Variants in MAP3K2 observed in about 807,000 individuals in gnomAD.
MAP3K2 encodes MAP/ERK kinase kinase 2.
Under a neutral mutation model 80.3 loss-of-function variants are expected in MAP3K2, and 24 were observed. The observed-to-expected ratio is 0.30, with a 90% confidence interval of 0.22 to 0.42. MAP3K2 has a LOEUF of 0.42. Among genes scored for constraint, MAP3K2 ranks in the 10% least tolerant of loss-of-function variants. The pLI is 1.00. For synonymous variants in MAP3K2, 244 were observed against 253.7 expected (o/e 0.96, Z 0.36); for missense variants, 608 against 750.1 (o/e 0.81, Z 2.21).
rs1422571288 is a variant in MAP3K2 at position 127,303,455 on chromosome 2, G to A, written c.*4124C>T. ...GAGAGATGCTATGTGACCTGGTTGG[G>A]GAGGGGATCCCTCTAGTTTGGAGAT... On this transcript the variant is annotated 3_prime_UTR_variant, in exon 17 of 17. Coordinates refer to ENST00000682094, the MANE Select transcript of MAP3K2 (RefSeq NM_001371910.2). The A allele has an allele frequency of 6.6e-6, 1 of 152,066 alleles. No individual in the cohort carries two copies. The highest frequency in any genetic ancestry group is 1.5e-5 in the Non-Finnish European group (1 of 67,984). The allele number at this position is 152,066 out of a possible 1,614,324, so 9.4% of individuals were successfully genotyped here.
chr2:127,307,566 A>G lies in MAP3K2; in HGVS notation c.*13T>C. The G allele has an allele frequency of 2.0e-6, 3 of 1,538,066 alleles. No homozygotes were observed. The highest frequency in any genetic ancestry group is 2.6e-6 in the Non-Finnish European group (3 of 1,133,884). ...TGGGAGCTAGGTAGAGGCACAGGAG[A>G]GGTTACTGGCTGCTAGTGATAATGC... On this transcript the variant is annotated 3_prime_UTR_variant, in exon 17 of 17. Coordinates refer to ENST00000682094, the MANE Select transcript of MAP3K2 (RefSeq NM_001371910.2). The surrounding 1 kb of genome is among the most constrained non-coding windows in gnomAD (Gnocchi z 5.4).
At chr2:127,327,318 T>C (rs1686163554) in intron 7 of MAP3K2, among the ~76,000 whole-genome samples, 1 of 152,190 alleles carries the variant, frequency 6.6e-6, no homozygotes, top group South Asian at 2.1e-4. Context: ...ATTGTGAGTA[T>C]ATGCAAGCAT....
chr2:127,376,426 G>A lies in MAP3K2; in HGVS notation c.-66+11026C>T, dbSNP rs540493314. ...AATGCCGGCAGCGCAGGCTTGTCAG[G>A]GCCGCAGCTGCTGACTCTTTACAGC... On this transcript the variant is annotated intron_variant, in intron 1 of 16. Transcript: ENST00000682094. 1.7e-4 allele frequency among the ~76,000 whole-genome samples: 26 copies of A among 152,268 alleles called. 1 individual carries two copies. Among genetic ancestry groups the A allele is most frequent in the African/African-American group, 6.0e-4 (25 of 41,556 alleles).
upstream of MAP3K2, chr2:127,388,278 A>G (rs780536729): frequency 1.7e-4 from 171 of 985,374 alleles, 1 homozygote; most frequent in Middle Eastern, 6.8e-3. Flanking sequence ...GGTAGTGGCC[A>G]GATCCCAGAC....
chr2:127,337,685 G>C, intron 4 of MAP3K2, 53 bp downstream of exon 4: 4 of 1,038,756 alleles, frequency 3.9e-6, no homozygotes, highest in Non-Finnish European at 5.7e-6. Flanking sequence ...AGCTTAATTA[G>C]AATACACATT....
chr2:127,373,815 C>A (rs2090574), intron 1 of MAP3K2, among the ~76,000 whole-genome samples: 53,354 of 151,998 alleles, frequency 0.35, 10,130 homozygotes, highest in East Asian at 0.62. Context: ...ACAATGCAAT[C>A]AGTTGCTAGG....
At chr2:127,352,761 C>A (rs1686715832) in intron 1 of MAP3K2, among the ~76,000 whole-genome samples, 1 of 151,932 alleles carries the variant, frequency 6.6e-6, no homozygotes, top group African/African-American at 2.4e-5. Flanking sequence ...CGAAGCTGGA[C>A]TGTACTGCTG....
intron 15 of MAP3K2, among the ~76,000 whole-genome samples, chr2:127,312,600 TCAG>T (rs1685826815): frequency 6.6e-6 from 1 of 151,960 alleles, no homozygotes; most frequent in African/African-American, 2.4e-5. Context: ...GGTTGAGGCT[TCAG>T]TGAGCCATGA....
chr2:127,344,297 C>T (rs1019416498), intron 1 of MAP3K2, among the ~76,000 whole-genome samples: 4 of 152,038 alleles, frequency 2.6e-5, no homozygotes, highest in African/African-American at 9.7e-5. Context: ...CCCAAATTCC[C>T]CCATGCAAGA....
At chr2:127,355,029 A>G (rs1239394976) in intron 1 of MAP3K2, among the ~76,000 whole-genome samples, 1 of 152,160 alleles carries the variant, frequency 6.6e-6, no homozygotes, top group African/African-American at 2.4e-5. Flanking sequence ...AAACAACTAC[A>G]AAAAATGAAC....
Position 127,322,339 on chromosome 2 carries a change from A to G in MAP3K2, c.839-87T>C. On this transcript the variant is annotated intron_variant, in intron 11 of 16. Coordinates refer to ENST00000682094, the MANE Select transcript of MAP3K2 (RefSeq NM_001371910.2). The surrounding 1 kb of genome is among the most constrained non-coding windows in gnomAD (Gnocchi z 4.2). ...TTAAAATTTGTAATGTAGAGAATAG[A>G]AATTTGTCCTGTGACTAGGCTAAGA... is the stretch of plus-strand genomic sequence containing the variant. The G allele has an allele frequency of 2.3e-6, 2 of 860,058 alleles. No homozygotes were observed. Among genetic ancestry groups the G allele is most frequent in the Admixed American group, 2.8e-5 (1 of 35,844 alleles). 53.3% of individuals were successfully genotyped at this position (860,058 alleles called of 1,614,324 possible).
rs753985590 is a variant in MAP3K2 at position 127,322,170 on chromosome 2, G to A, written c.921C>T (p.Ser307=). ...TACTGCTTCCACTACTAGTGCTTAA[G>A]GAATGATCAGTAGGACTGAAACTCA... ...SPVSFSPTDH[S]LSTSSGSSIF... The change falls in exon 12 of 17, where the codon TCC becomes TCT. Residue 307 remains serine (S), a synonymous_variant. Transcript: ENST00000682094. This position sits in a 1 kb window ranked among gnomAD's most constrained non-coding sequence, Gnocchi z 4.2. 2.5e-6 allele frequency: 4 copies of A among 1,613,868 alleles called. No homozygotes were observed. In the South Asian group the frequency reaches 3.3e-5, roughly 13 times the overall value.
Position 127,304,234 on chromosome 2 carries a change from G to T in MAP3K2, c.*3345C>A, listed in dbSNP as rs1001431532. 6.6e-6 allele frequency: 1 copy of T among 152,052 alleles called. No homozygotes were observed. Among genetic ancestry groups the T allele is most frequent in the African/African-American group, 2.4e-5 (1 of 41,408 alleles). 9.4% of individuals were successfully genotyped at this position (152,052 alleles called of 1,614,324 possible). A position where few individuals can be genotyped will look rare whatever the true frequency, so the allele number is the denominator to read the frequency against. On this transcript the variant is annotated 3_prime_UTR_variant, in exon 17 of 17. Transcript: ENST00000682094. ...AAAGATGTTTTGTAAACAAGGAAAA[G>T]TGCTGAAAATTTTCAAGATATTCAT...
intron 5 of MAP3K2, among the ~76,000 whole-genome samples, chr2:127,333,230 GAC>G (rs1472984232): frequency 6.8e-6 from 1 of 146,514 alleles, no homozygotes; most frequent in South Asian, 2.2e-4. Context: ...CAACCCCCAT[GAC>G]ACACACACAC....
chr2:127,335,826 C>A (rs1379889807), intron 5 of MAP3K2, 44 bp downstream of exon 5: 2 of 1,086,138 alleles, frequency 1.8e-6, no homozygotes. Context: ...GAACACATTA[C>A]TTTTGAAGGT....
chr2:127,376,861 T>G (rs1687161782), intron 1 of MAP3K2, among the ~76,000 whole-genome samples: 1 of 152,018 alleles, frequency 6.6e-6, no homozygotes, highest in Non-Finnish European at 1.5e-5. Context: ...AGCCCAGGTG[T>G]TCAAGACCAG....
Position 127,308,754 on chromosome 2 carries a change from T to C in MAP3K2, c.1465A>G (p.Ile489Val). The C allele has an allele frequency of 1.2e-6, 2 of 1,612,798 alleles. No homozygotes were observed. Among genetic ancestry groups the C allele is most frequent in the Non-Finnish European group, 1.7e-6 (2 of 1,179,152 alleles). ...ACGTTGCCTGTTGAATCTCGCAGGA[T>C]ATTTGCGCCTAAAAATAAGACATTG... The part of the protein sequence containing the change: ...IVHRDIKGAN[I>V]LRDSTGNVKL... The change falls in exon 16 of 17, where the codon ATC becomes GTC. Residue 489 changes from isoleucine (I) to valine (V), a missense_variant. Ile to Val is a conservative substitution (Grantham distance 29, BLOSUM62 3). This residue lies in a region of MAP3K2 where 88 missense variants were observed against 132.4 expected (regional missense o/e 0.66). Transcript: ENST00000682094.
chr2:127,354,333 A>C (rs1216447676), intron 1 of MAP3K2, among the ~76,000 whole-genome samples: 8 of 152,030 alleles, frequency 5.3e-5, no homozygotes, highest in Non-Finnish European at 1.2e-4. Context: ...ATACGATAAA[A>C]GTAAATCCCT....
chr2:127,388,106 G>A (rs1261302134), upstream of MAP3K2: 4 of 984,288 alleles, frequency 4.1e-6, no homozygotes, highest in South Asian at 1.4e-4. Flanking sequence ...GCAGAGGCCC[G>A]CCACGCCCAC....
Sources: allele counts gnomAD v4.1 joint callset (sites outside exome capture counted in the v4.1 genomes callset), GRCh38; gene constraint gnomAD v4.1.1; regional missense constraint gnomAD v4.1.1; non-coding constraint Gnocchi (gnomAD v3.1); transcripts MANE v1.5; gene names NCBI Gene and HGNC (gene_info 2026-07-23, HGNC 2026-07-21).